Variants in CAMTA1 observed in about 807,000 individuals in gnomAD.
CAMTA1 encodes the protein calmodulin binding transcription activator 1.
CAMTA1 carries 27 observed loss-of-function variants against 170.9 expected under a neutral mutation model. That is an observed-to-expected ratio of 0.16 (90% CI 0.12 to 0.22). CAMTA1 has a LOEUF of 0.22. CAMTA1 is among the 10% of genes least tolerant of loss of function. CAMTA1 has a pLI of 1.00. For missense variants in CAMTA1, 1,619 were observed against 2,217.2 expected (o/e 0.73, Z 5.42); for synonymous variants, 833 against 891.5 (o/e 0.93, Z 1.17).
At chr1:7,449,734 C>A (rs776490620) in intron 5 of CAMTA1, among the ~76,000 whole-genome samples, 1 of 140,842 alleles carries the variant, frequency 7.1e-6, no homozygotes, top group Non-Finnish European at 1.5e-5. Flanking sequence ...AGTGCCACTA[C>A]ACTCCAGTCT....
rs898077255 is a variant in CAMTA1, at chr1:6,970,507, G to C, written c.235-120797G>C. Among the ~76,000 whole-genome samples the C allele has an allele frequency of 1.3e-5, 2 of 152,156 alleles. No homozygotes were observed. The highest frequency in any genetic ancestry group is 1.3e-4 in the Admixed American group (2 of 15,280). On this transcript the variant is annotated intron_variant, in intron 3 of 22. Transcript: ENST00000303635. The surrounding 1 kb of genome is among the most constrained non-coding windows in gnomAD (Gnocchi z 4.4). ...TTGCCAGGCCAGGGACTCTCGGCTT[G>C]GAGGGGGTCACTCCAAGGGCCTGGC...
Position 7,580,669 on chromosome 1 carries a change from C to T in CAMTA1, c.511-59731C>T, listed in dbSNP as rs2095252728. Among the ~76,000 whole-genome samples, 1 of 152,124 alleles carries T rather than the reference C, an allele frequency of 6.6e-6. No homozygotes were observed. The highest frequency in any genetic ancestry group is 2.1e-4 in the South Asian group (1 of 4,816). Reference sequence around the variant, plus strand: ...ACCAAAGGTCCCTGGGCACCTGGCCCCGAGGCTGGCTGTGCCCAGCACTGT... The same window carrying T: ...ACCAAAGGTCCCTGGGCACCTGGCCTCGAGGCTGGCTGTGCCCAGCACTGT... On this transcript the variant is annotated intron_variant, in intron 6 of 22. Transcript: ENST00000303635. The surrounding 1 kb of genome is among the most constrained non-coding windows in gnomAD (Gnocchi z 4.3).
rs886667491 is a variant in CAMTA1 at position 7,664,379 on chromosome 1, C to A, written c.1832C>A (p.Thr611Asn). 8 of 1,613,740 alleles carry A rather than the reference C, an allele frequency of 5.0e-6. No individual in the cohort carries two copies. The highest frequency in any genetic ancestry group is 6.8e-6 in the Non-Finnish European group (8 of 1,179,992). Residue 611 changes from threonine (T) to asparagine (N), a missense_variant, in exon 9 of 23, where the codon ACC becomes AAC. Around this residue, in one of 8 missense-constraint regions of CAMTA1, gnomAD observed 731 missense variants for 907.6 expected, o/e 0.81. Transcript: ENST00000303635. ...GGCCACAGCCCCCACATCCACCAGA[C>A]CCCCTCCCCGAGCTTCTTCCTGCAG... is the stretch of plus-strand genomic sequence containing the variant. Reference protein sequence around the residue: ...QTGHSPHIHQTPSPSFFLQDA... With the variant: ...QTGHSPHIHQNPSPSFFLQDA...
intron 4 of CAMTA1, among the ~76,000 whole-genome samples, chr1:7,193,378 T>C (rs1305893890): frequency 2.0e-5 from 3 of 151,462 alleles, no homozygotes; most frequent in African/African-American, 7.3e-5. Flanking sequence ...TCATTTGCTC[T>C]GTAGTGTCAG....
At chr1:7,279,046 G>A (rs944795561) in intron 5 of CAMTA1, among the ~76,000 whole-genome samples, 2 of 152,128 alleles carry the variant, frequency 1.3e-5, no homozygotes, top group Non-Finnish European at 2.9e-5. Flanking sequence ...AGGCCCTGGG[G>A]GCCTGAGGAA....
chr1:7,277,610 C>G (rs1392586244), intron 5 of CAMTA1, among the ~76,000 whole-genome samples: 3 of 151,990 alleles, frequency 2.0e-5, no homozygotes, highest in African/African-American at 7.3e-5. Flanking sequence ...TCTATCTCCC[C>G]CTTCTCAGAA....
chr1:6,942,595 G>T (rs1476848773), intron 3 of CAMTA1, among the ~76,000 whole-genome samples: 1 of 152,202 alleles, frequency 6.6e-6, no homozygotes, highest in East Asian at 1.9e-4. Context: ...GGAGATCAAG[G>T]TTGCAGTGAG....
intron 3 of CAMTA1, among the ~76,000 whole-genome samples, chr1:6,879,992 G>A (rs1671054867): frequency 6.6e-6 from 1 of 151,880 alleles, no homozygotes; most frequent in South Asian, 2.1e-4. Context: ...CTCGCTTCAG[G>A]GTAGGAAATA....
chr1:7,737,509 C>A lies in CAMTA1; in HGVS notation c.3597C>A (p.Ser1199Arg), dbSNP rs745737144. Residue 1199 changes from serine to arginine, a missense_variant, in exon 15 of 23, where the codon AGC (serine) becomes AGA (arginine). By Grantham distance (110) the Ser-to-Arg change is moderately radical (BLOSUM62 -1). This residue lies in a region of CAMTA1 where 370 missense variants were observed against 429.4 expected (regional missense o/e 0.86). Coordinates refer to ENST00000303635, the MANE Select transcript of CAMTA1 (RefSeq NM_015215.4). ...STESWMAQWH[S>R]EAISSPEIPK... is the part of the protein sequence containing the mutation. ...AGAGCTGGATGGCCCAGTGGCACAGCGAAGCCATCAGCTCTCCAGAAATAC... is the reference window on the plus strand; with the variant it reads ...AGAGCTGGATGGCCCAGTGGCACAGAGAAGCCATCAGCTCTCCAGAAATAC... 6.2e-7 allele frequency: 1 copy of A among 1,614,112 alleles called. No individual in the cohort carries two copies. The highest frequency in any genetic ancestry group is 1.1e-5 in the South Asian group (1 of 91,082).
intron 3 of CAMTA1, among the ~76,000 whole-genome samples, chr1:7,057,139 G>A (rs921253139): frequency 2.6e-5 from 4 of 152,190 alleles, no homozygotes; most frequent in African/African-American, 7.2e-5. Context: ...CTGAGATGGG[G>A]GTCTGGGCTC....
intron 11 of CAMTA1, among the ~76,000 whole-genome samples, chr1:7,696,094 G>A (rs2096372745): frequency 6.6e-6 from 1 of 152,132 alleles, no homozygotes; most frequent in African/African-American, 2.4e-5. Context: ...ATGTCAAAAT[G>A]GCTTTCTCAT....
intron 5 of CAMTA1, among the ~76,000 whole-genome samples, chr1:7,296,743 T>G (rs565455810): frequency 6.6e-6 from 1 of 152,138 alleles, no homozygotes; most frequent in South Asian, 2.1e-4. Flanking sequence ...ATTGAATACA[T>G]ATGTCTGGAG....
intron 4 of CAMTA1, among the ~76,000 whole-genome samples, chr1:7,196,598 G>A (rs1291643078): frequency 1.3e-5 from 2 of 152,188 alleles, no homozygotes; most frequent in Non-Finnish European, 2.9e-5. Flanking sequence ...GCATTTACTA[G>A]CTGTAGGAAC....
intron 3 of CAMTA1, among the ~76,000 whole-genome samples, chr1:7,078,305 G>C (rs1010708337): frequency 6.6e-6 from 1 of 152,156 alleles, no homozygotes; most frequent in African/African-American, 2.4e-5. Flanking sequence ...TGCTCTTTTA[G>C]GCTCTTCTGA....
At chr1:6,902,037 T>C (rs1378192201) in intron 3 of CAMTA1, among the ~76,000 whole-genome samples, 5 of 83,014 alleles carry the variant, frequency 6.0e-5, no homozygotes, top group African/African-American at 2.9e-4. Context: ...AAGGTGAGAC[T>C]GTCACACACA....
At chr1:6,787,219 C>G (rs539905467) in intron 1 of CAMTA1, among the ~76,000 whole-genome samples, 2 of 152,188 alleles carry the variant, frequency 1.3e-5, no homozygotes, top group Non-Finnish European at 2.9e-5. Context: ...TAAGGAGAAG[C>G]CATATGCCTT....
chr1:7,488,256 G>T (rs570016796), intron 6 of CAMTA1, among the ~76,000 whole-genome samples: 1 of 152,202 alleles, frequency 6.6e-6, no homozygotes, highest in South Asian at 2.1e-4. Flanking sequence ...ACAGGGGGCT[G>T]GAGCAGCTGT....
chr1:7,019,423 A>T (rs1701043295), intron 3 of CAMTA1, among the ~76,000 whole-genome samples: 1 of 152,148 alleles, frequency 6.6e-6, no homozygotes, highest in African/African-American at 2.4e-5. Flanking sequence ...ATTCAGCATG[A>T]TCCTCCATGT....
intron 22 of CAMTA1, 127 bp downstream of exon 22, chr1:7,755,795 A>G (rs2096927509): frequency 2.5e-6 from 2 of 796,824 alleles, no homozygotes; most frequent in Admixed American, 3.7e-5. Context: ...GAATGAATTA[A>G]AATCAAGTAA....
Sources: allele counts gnomAD v4.1 joint callset (sites outside exome capture counted in the v4.1 genomes callset), GRCh38; gene constraint gnomAD v4.1.1; regional missense constraint gnomAD v4.1.1; non-coding constraint Gnocchi (gnomAD v3.1); transcripts MANE v1.5; gene names NCBI Gene and HGNC (gene_info 2026-07-23, HGNC 2026-07-21).